The following SGCG variants were observed in gnomAD, a reference collection of about 807,000 sequenced individuals.
SGCG encodes sarcoglycan gamma, also known as gamma-sarcoglycan.
SGCG carries 26 observed loss-of-function variants against 29.3 expected under a neutral mutation model. The ratio of observed to expected loss-of-function variants is 0.89; its 90% CI spans 0.65 to 1.23. The LOEUF is 1.23. Among genes scored for constraint, SGCG ranks in the 50% most tolerant of loss-of-function variants. The probability of loss-of-function intolerance (pLI) is 0.00; values close to 1 mark genes in which losing one functional copy is unlikely to be tolerated. For synonymous variants in SGCG, 145 were observed against 129.7 expected (o/e 1.12, Z -0.80); for missense variants, 353 against 356.0 (o/e 0.99, Z 0.07).
chr13:23,254,928 T>C (rs1880119417), intron 4 of SGCG, among the ~76,000 whole-genome samples: 1 of 152,218 alleles, frequency 6.6e-6, no homozygotes, highest in African/African-American at 2.4e-5. Context: ...AGAGGAAGCT[T>C]GGCAGCTTGC....
chr13:23,199,460 A>G (rs557296818), intron 1 of SGCG, among the ~76,000 whole-genome samples: 1 of 152,362 alleles, frequency 6.6e-6, no homozygotes, highest in South Asian at 2.1e-4. Flanking sequence ...AAATACCTAA[A>G]GGAAGCTGGT....
intron 6 of SGCG, among the ~76,000 whole-genome samples, chr13:23,306,518 C>T (rs578000570): frequency 1.3e-5 from 2 of 152,118 alleles, no homozygotes; most frequent in South Asian, 2.1e-4. Context: ...TTTTAAATTC[C>T]TGTTGTTTTC....
intron 2 of SGCG, among the ~76,000 whole-genome samples, chr13:23,220,946 C>T (rs1044983391): frequency 6.6e-6 from 1 of 152,130 alleles, no homozygotes; most frequent in Non-Finnish European, 1.5e-5. Flanking sequence ...CATATATGAG[C>T]AACCAGGATC....
intron 6 of SGCG, among the ~76,000 whole-genome samples, chr13:23,299,407 C>CATGTATGT (rs1161342960): frequency 4.2e-5 from 1 of 23,934 alleles, no homozygotes; most frequent in Non-Finnish European, 6.8e-5. Flanking sequence ...TCTTAGTTGG[C>CATGTATGT]ATATATATAT....
chr13:23,162,763 G>A, the SGCG span, among the ~76,000 whole-genome samples: 4 of 152,096 alleles, frequency 2.6e-5, no homozygotes, highest in Non-Finnish European at 4.4e-5. Context: ...CCTGGGTGGC[G>A]AAGTTGCAGT....
intron 5 of SGCG, among the ~76,000 whole-genome samples, chr13:23,293,726 G>A (rs948838933): frequency 2.0e-5 from 3 of 152,022 alleles, no homozygotes; most frequent in Non-Finnish European, 4.4e-5. Context: ...CAGCTACTCA[G>A]GAGGCTGAGG....
chr13:23,166,944 G>A, the SGCG span, among the ~76,000 whole-genome samples: 25 of 152,130 alleles, frequency 1.6e-4, no homozygotes, highest in Non-Finnish European at 2.8e-4. Flanking sequence ...ATTTTAAAGT[G>A]TAAAATTAAA....
chr13:23,225,094 A>T (rs1419846595), intron 2 of SGCG, among the ~76,000 whole-genome samples: 2 of 152,110 alleles, frequency 1.3e-5, no homozygotes, highest in African/African-American at 4.8e-5. Flanking sequence ...TACTCATGGA[A>T]GTTTGACAAG....
chr13:23,317,955 G>A (rs994738003), intron 6 of SGCG, among the ~76,000 whole-genome samples: 6 of 152,122 alleles, frequency 3.9e-5, no homozygotes, highest in Non-Finnish European at 7.3e-5. Flanking sequence ...TTAATTGGGT[G>A]GGCACCATCT....
At chr13:23,281,063 A>G (rs1881287560) in intron 5 of SGCG, among the ~76,000 whole-genome samples, 1 of 152,078 alleles carries the variant, frequency 6.6e-6, no homozygotes, top group South Asian at 2.1e-4. Context: ...GGCCAGGCAG[A>G]GTGGTTCACA....
At chr13:23,219,702 A>G (rs1878579354) in intron 2 of SGCG, among the ~76,000 whole-genome samples, 1 of 152,000 alleles carries the variant, frequency 6.6e-6, no homozygotes, top group African/African-American at 2.4e-5. Flanking sequence ...TAATGTATAC[A>G]TGATGTATCA....
chr13:23,187,740 G>C (rs970179112), intron 1 of SGCG, among the ~76,000 whole-genome samples: 1 of 152,194 alleles, frequency 6.6e-6, no homozygotes, highest in Non-Finnish European at 1.5e-5. Flanking sequence ...GCTGGCTCCT[G>C]ACCTGAGGCC....
At chr13:23,320,061 G>A (rs1882977503) in intron 6 of SGCG, among the ~76,000 whole-genome samples, 1 of 152,126 alleles carries the variant, frequency 6.6e-6, no homozygotes, top group Non-Finnish European at 1.5e-5. Context: ...ATAAAGAAAA[G>A]ACCAAACTTA....
chr13:23,234,505 T>G, intron 2 of SGCG, 106 bp from the exon 3 acceptor site: 1 of 764,786 alleles, frequency 1.3e-6, no homozygotes, highest in Admixed American at 2.1e-5. Context: ...GCAGAAAAGG[T>G]GGTAGGCAAT....
At chr13:23,213,262 G>A (rs1243869436) in intron 2 of SGCG, among the ~76,000 whole-genome samples, 1 of 152,074 alleles carries the variant, frequency 6.6e-6, no homozygotes, top group Middle Eastern at 3.2e-3. Flanking sequence ...ATCACTTGAG[G>A]CCAAGAACTC....
intron 3 of SGCG, among the ~76,000 whole-genome samples, chr13:23,236,350 G>C (rs973939136): frequency 6.6e-6 from 1 of 152,148 alleles, no homozygotes; most frequent in Non-Finnish European, 1.5e-5. Flanking sequence ...CAGGTGACTA[G>C]GTCACAGCAA....
At chr13:23,299,407 CAT>C (rs1191940207) in intron 6 of SGCG, among the ~76,000 whole-genome samples, 717 of 23,808 alleles carry the variant, frequency 0.03, 34 homozygotes, top group East Asian at 0.11. Flanking sequence ...TCTTAGTTGG[CAT>C]ATATATATAT....
intron 1 of SGCG, among the ~76,000 whole-genome samples, chr13:23,183,242 A>C (rs1876815547): frequency 6.6e-6 from 1 of 152,182 alleles, no homozygotes; most frequent in South Asian, 2.1e-4. Flanking sequence ...ACTTCTTAGT[A>C]AATAGTAGCT....
chr13:23,261,796 T>C (rs1185808952), intron 4 of SGCG, among the ~76,000 whole-genome samples: 2 of 152,060 alleles, frequency 1.3e-5, no homozygotes, highest in Non-Finnish European at 1.5e-5. Flanking sequence ...CCTATCAGAC[T>C]AACAGCAAAT....
Sources: allele counts gnomAD v4.1 joint callset (sites outside exome capture counted in the v4.1 genomes callset), GRCh38; gene constraint gnomAD v4.1.1; transcripts MANE v1.5; gene names NCBI Gene and HGNC (gene_info 2026-07-23, HGNC 2026-07-21).